Variants in CDS1 observed in about 807,000 individuals in gnomAD.
CDS1 encodes the protein phosphatidate cytidylyltransferase 1.
Under a neutral mutation model 62.1 loss-of-function variants are expected in CDS1, and 41 were observed. The ratio of observed to expected loss-of-function variants is 0.66; its 90% CI spans 0.51 to 0.86. CDS1 has a LOEUF of 0.86. Ranked by LOEUF, CDS1 falls within the 40% of genes least tolerant of loss-of-function variation. The pLI, the probability that CDS1 is intolerant of heterozygous loss-of-function variation, is 0.00. For missense variants in CDS1, 470 were observed against 550.1 expected (o/e 0.85, Z 1.46); for synonymous variants, 185 against 192.6 (o/e 0.96, Z 0.32).
chr4:84,624,454 A>G (rs1382361492), intron 5 of CDS1, among the ~76,000 whole-genome samples: 1 of 152,050 alleles, frequency 6.6e-6, no homozygotes, highest in Admixed American at 6.6e-5. Context: ...TGAGTATTCA[A>G]GCTTTTATGT....
At chr4:84,614,995 C>T (rs10014792) in intron 3 of CDS1, among the ~76,000 whole-genome samples, 8,744 of 152,172 alleles carry the variant, frequency 0.057, 756 homozygotes, top group African/African-American at 0.19. Flanking sequence ...ACTGGTCTGA[C>T]GGTATGGCCA....
chr4:84,591,006 A>C (rs1335896359), intron 1 of CDS1, among the ~76,000 whole-genome samples: 2 of 152,180 alleles, frequency 1.3e-5, no homozygotes, highest in African/African-American at 4.8e-5. Context: ...GGGCCTGATA[A>C]TTTAATGAGA....
chr4:84,634,751 G>T (rs1278594747), intron 7 of CDS1, among the ~76,000 whole-genome samples: 2 of 151,996 alleles, frequency 1.3e-5, no homozygotes, highest in African/African-American at 4.8e-5. Context: ...TTCATTGATG[G>T]GGCAGTTACT....
intron 1 of CDS1, among the ~76,000 whole-genome samples, chr4:84,601,205 A>G (rs1193531106): frequency 1.3e-5 from 2 of 151,666 alleles, no homozygotes; most frequent in South Asian, 2.1e-4. Context: ...AGAAAAAGAC[A>G]TGGAGGGAAA....
intron 12 of CDS1, among the ~76,000 whole-genome samples, chr4:84,645,703 C>T (rs1283074027): frequency 6.6e-6 from 1 of 152,064 alleles, no homozygotes; most frequent in Non-Finnish European, 1.5e-5. Context: ...TGAGTGCCTG[C>T]CATATTGTAG....
At chr4:84,615,692 A>T (rs1350145069) in intron 3 of CDS1, among the ~76,000 whole-genome samples, 1 of 152,134 alleles carries the variant, frequency 6.6e-6, no homozygotes, top group Non-Finnish European at 1.5e-5. Context: ...CTGTGAACAG[A>T]TGCCCTATGT....
intron 8 of CDS1, among the ~76,000 whole-genome samples, chr4:84,635,605 GC>G (rs1724162003): frequency 8.7e-5 from 8 of 92,284 alleles, no homozygotes; most frequent in South Asian, 5.7e-4. Flanking sequence ...CTGCCTGCCT[GC>G]CTGCCTGCCT....
At chr4:84,632,309 G>A (rs966183889) in intron 6 of CDS1, among the ~76,000 whole-genome samples, 26 of 152,152 alleles carry the variant, frequency 1.7e-4, no homozygotes, top group Admixed American at 1.6e-3. Context: ...GTTAGTCATA[G>A]AATTGTGTAA....
chr4:84,631,756 C>A, intron 5 of CDS1, 63 bp from the exon 6 acceptor site: 1 of 1,374,640 alleles, frequency 7.3e-7, no homozygotes, highest in Non-Finnish European at 1.0e-6. Context: ...TATTTGGGCT[C>A]AAGGAATCTT....
chr4:84,583,753 C>A (rs1016873540), intron 1 of CDS1, among the ~76,000 whole-genome samples: 1 of 152,154 alleles, frequency 6.6e-6, no homozygotes, highest in Non-Finnish European at 1.5e-5. Flanking sequence ...AGAAATGGGC[C>A]ACTCAACCCG....
chr4:84,615,991 C>T (rs375536765), intron 3 of CDS1, among the ~76,000 whole-genome samples: 1 of 152,074 alleles, frequency 6.6e-6, no homozygotes, highest in East Asian at 1.9e-4. Flanking sequence ...AAATATAATG[C>T]GTGTTATTAA....
chr4:84,643,325 T>C (rs1360685011), intron 11 of CDS1, among the ~76,000 whole-genome samples, 182 bp downstream of exon 11: 2 of 152,234 alleles, frequency 1.3e-5, no homozygotes, highest in East Asian at 3.9e-4. Flanking sequence ...TTTTTAGGTT[T>C]GTCATACCAT....
intron 11 of CDS1, among the ~76,000 whole-genome samples, chr4:84,644,991 G>C (rs1317138493): frequency 2.0e-5 from 3 of 152,220 alleles, no homozygotes; most frequent in African/African-American, 7.2e-5. Flanking sequence ...ATTAACGTTT[G>C]ATGAATGAAT....
At chr4:84,633,545 C>T (rs1724087752) in intron 6 of CDS1, among the ~76,000 whole-genome samples, 1 of 152,198 alleles carries the variant, frequency 6.6e-6, no homozygotes, top group African/African-American at 2.4e-5. Context: ...AGAAATCTCT[C>T]ATCATCACTT....
intron 2 of CDS1, among the ~76,000 whole-genome samples, chr4:84,609,028 A>C (rs531531721): frequency 1.3e-5 from 2 of 151,634 alleles, no homozygotes; most frequent in South Asian, 2.1e-4. Context: ...AATACAAAAC[A>C]ATTAGCCGGG....
At chr4:84,605,912 A>T (rs1723079106) in intron 2 of CDS1, among the ~76,000 whole-genome samples, 2 of 152,190 alleles carry the variant, frequency 1.3e-5, no homozygotes, top group South Asian at 4.1e-4. Context: ...ATCAAGGGTC[A>T]TGTAGCTAGT....
At chr4:84,602,884 T>C (rs41524654) in intron 1 of CDS1, among the ~76,000 whole-genome samples, 10,807 of 152,100 alleles carry the variant, frequency 0.071, 660 homozygotes, top group African/African-American at 0.16. Context: ...GAATTTGACA[T>C]TTCTATTTCT....
intron 1 of CDS1, among the ~76,000 whole-genome samples, chr4:84,597,004 T>C (rs1200060528): frequency 6.6e-6 from 1 of 152,316 alleles, no homozygotes; most frequent in African/African-American, 2.4e-5. Context: ...GCTGGGTTTA[T>C]ACCCTGTGAT....
intron 12 of CDS1, among the ~76,000 whole-genome samples, chr4:84,647,840 A>G (rs1167725183): frequency 1.3e-5 from 2 of 152,164 alleles, no homozygotes; most frequent in Non-Finnish European, 2.9e-5. Flanking sequence ...AATGTGAACA[A>G]TCTTTACTGT....
Sources: gnomAD v4.1 joint callset for allele counts (sites outside exome capture counted in the v4.1 genomes callset) on GRCh38, gnomAD v4.1.1 for gene constraint, MANE v1.5 for transcripts, NCBI Gene and HGNC (gene_info 2026-07-23, HGNC 2026-07-21) for gene names.